MROH9: variants seen among roughly 807,000 people sequenced by gnomAD.
The protein encoded by MROH9 is maestro heat like repeat family member 9, also known as maestro heat-like repeat-containing protein family member 9.
In MROH9, 92 loss-of-function variants were observed where a neutral mutation model predicts 98.2. The ratio of observed to expected loss-of-function variants is 0.94; its 90% CI spans 0.79 to 1.11. The LOEUF is 1.11. Among genes scored for constraint, MROH9 ranks in the 50% most tolerant of loss-of-function variants. MROH9 has a pLI of 0.00. For synonymous variants in MROH9, 397 were observed against 368.9 expected (o/e 1.08, Z -0.87); for missense variants, 1,057 against 1,014.8 (o/e 1.04, Z -0.57).
intron 20 of MROH9, among the ~76,000 whole-genome samples, chr1:171,055,805 T>A (rs1185597095): frequency 2.6e-5 from 4 of 151,934 alleles, no homozygotes; most frequent in African/African-American, 4.8e-5. Flanking sequence ...GCAACCAAGG[T>A]AACCAGGTTC....
chr1:170,998,818 A>G, intron 15 of MROH9: 1 of 882,570 alleles, frequency 1.1e-6, no homozygotes, highest in Non-Finnish European at 1.4e-6. Context: ...TATCAAATCT[A>G]ATTTTTTCAT....
chr1:170,998,748 G>A, intron 15 of MROH9: 1 of 985,808 alleles, frequency 1.0e-6, no homozygotes, highest in Non-Finnish European at 1.2e-6. Context: ...ATACTATAAT[G>A]GAATCAAGCA....
chr1:170,939,994 C>A (rs1649060364), intron 1 of MROH9, among the ~76,000 whole-genome samples: 2 of 152,222 alleles, frequency 1.3e-5, no homozygotes, highest in Non-Finnish European at 2.9e-5. Flanking sequence ...CCAGAGCAGA[C>A]TGTACAACAG....
chr1:171,059,155 T>C (rs1487698878), intron 20 of MROH9, among the ~76,000 whole-genome samples: 3 of 151,194 alleles, frequency 2.0e-5, no homozygotes, highest in Admixed American at 2.0e-4. Flanking sequence ...AAAAAACAAG[T>C]ATCAATAGCT....
In MROH9 at chr1:170,998,238, A is replaced by G; in HGVS notation, c.1560A>G (p.Ser520=). The G allele has an allele frequency of 6.2e-7, 1 of 1,613,496 alleles. No homozygotes were observed. The highest frequency in any genetic ancestry group is 8.5e-7 in the Non-Finnish European group (1 of 1,179,610). Residue 520 remains serine, a synonymous_variant, in exon 15 of 22, where the codon TCA becomes TCG. Transcript: ENST00000367759. The part of the protein sequence containing the change: ...YKLSVEGPRR[S]EDTVIVLIFL... ...TCTCAGTAGAAGGTCCTAGAAGGTC[A>G]GAAGACACTGTCATCGTATTAATAT...
intron 8 of MROH9, among the ~76,000 whole-genome samples, chr1:170,981,083 G>C (rs1650911701): frequency 6.6e-6 from 1 of 152,190 alleles, no homozygotes; most frequent in South Asian, 2.1e-4. Context: ...TCTCATGCCA[G>C]TCAGAATGGT....
chr1:171,002,772 G>A (rs543454016), intron 15 of MROH9, among the ~76,000 whole-genome samples: 55 of 152,216 alleles, frequency 3.6e-4, no homozygotes, highest in South Asian at 8.3e-4. Context: ...GCTCTTCTTT[G>A]AGCTTCTTCT....
chr1:171,022,511 T>C (rs1319330647), intron 17 of MROH9, among the ~76,000 whole-genome samples: 2 of 151,938 alleles, frequency 1.3e-5, no homozygotes, highest in Admixed American at 6.6e-5. Context: ...GAAAATGAAA[T>C]ACCACATGTT....
intron 20 of MROH9, among the ~76,000 whole-genome samples, chr1:171,040,577 A>G: frequency 6.6e-6 from 1 of 152,134 alleles, no homozygotes; most frequent in East Asian, 1.9e-4. Flanking sequence ...TTACTCAAGT[A>G]AAAAATAGAT....
Position 171,062,225 on chromosome 1 carries a change from T to A in MROH9, c.2344+31T>A, listed in dbSNP as rs1281194773. The A allele has an allele frequency of 2.1e-6, 3 of 1,420,554 alleles. No individual in the cohort carries two copies. The African/African-American group carries it at 4.3e-5, about 20-fold the overall frequency. 88.0% of individuals were successfully genotyped at this position (1,420,554 alleles called of 1,614,324 possible). A position where few individuals can be genotyped will look rare whatever the true frequency, so the allele number is the denominator to read the frequency against. The stretch of plus-strand genomic sequence containing the variant: ...TATTGAGGTTATAACAAAATCTTTA[T>A]GCATAAATCTAAATACATTTACTAT... On this transcript the variant is annotated intron_variant, in intron 21 of 21. Transcript: ENST00000367759.
chr1:170,982,889 G>A (rs527311327), intron 8 of MROH9, among the ~76,000 whole-genome samples: 36 of 152,018 alleles, frequency 2.4e-4, no homozygotes, highest in Middle Eastern at 6.8e-3. Context: ...AGCAAGATCC[G>A]GGCTCAAAAA....
At chr1:171,007,611 T>C (rs1652006276) in intron 15 of MROH9, among the ~76,000 whole-genome samples, 1 of 152,172 alleles carries the variant, frequency 6.6e-6, no homozygotes. Flanking sequence ...GTACAGGACC[T>C]TTCCGGGATC....
intron 20 of MROH9, among the ~76,000 whole-genome samples, chr1:171,039,217 G>T (rs1653213610): frequency 6.6e-6 from 1 of 152,158 alleles, no homozygotes; most frequent in Non-Finnish European, 1.5e-5. Context: ...CATTTAATTT[G>T]TAGGTCTTTT....
chr1:171,062,207 G>C lies in MROH9; in HGVS notation c.2344+13G>C. The C allele has an allele frequency of 1.3e-6, 2 of 1,524,518 alleles. No individual in the cohort carries two copies. Among genetic ancestry groups the C allele is most frequent in the Middle Eastern group, 3.4e-4 (2 of 5,934 alleles). 94.4% of individuals were successfully genotyped at this position (1,524,518 alleles called of 1,614,324 possible). The stretch of plus-strand genomic sequence containing the variant: ...GTCATGCTTGATGGTGAGTATTGAG[G>C]TTATAACAAAATCTTTATGCATAAA... On this transcript the variant is annotated intron_variant, in intron 21 of 21. Coordinates refer to ENST00000367759, the MANE Select transcript of MROH9 (RefSeq NM_001163629.2).
intron 12 of MROH9, among the ~76,000 whole-genome samples, chr1:170,992,863 C>T (rs1395433704): frequency 6.6e-6 from 1 of 152,134 alleles, no homozygotes; most frequent in East Asian, 1.9e-4. Context: ...TAACCACTGG[C>T]TAGATCATGT....
At chr1:171,012,313 C>T (rs16863936) in intron 15 of MROH9, among the ~76,000 whole-genome samples, 34,987 of 151,524 alleles carry the variant, frequency 0.23, 4,755 homozygotes, top group African/African-American at 0.38. Context: ...TTATTAATAC[C>T]TTCTGACATG....
At chr1:170,999,634 A>C (rs1298908060) in intron 15 of MROH9, among the ~76,000 whole-genome samples, 1 of 152,134 alleles carries the variant, frequency 6.6e-6, no homozygotes, top group Admixed American at 6.6e-5. Flanking sequence ...GCTGCTATAA[A>C]TATGTGTGTG....
intron 3 of MROH9, among the ~76,000 whole-genome samples, chr1:170,955,116 A>G (rs1237273560): frequency 6.6e-6 from 1 of 152,090 alleles, no homozygotes; most frequent in Non-Finnish European, 1.5e-5. Context: ...TCCAGTCTCA[A>G]CCAGGTCACT....
At chr1:170,947,887 C>T (rs956223886) in intron 3 of MROH9, among the ~76,000 whole-genome samples, 35 of 152,096 alleles carry the variant, frequency 2.3e-4, no homozygotes, top group African/African-American at 7.5e-4. Context: ...AGTCTCCTCA[C>T]TCATATTTTC....
Sources: allele counts gnomAD v4.1 joint callset (sites outside exome capture counted in the v4.1 genomes callset), GRCh38; gene constraint gnomAD v4.1.1; transcripts MANE v1.5; gene names NCBI Gene and HGNC (gene_info 2026-07-23, HGNC 2026-07-21).